The following PRKN variants were observed in gnomAD, a reference collection of about 807,000 sequenced individuals.
The protein encoded by PRKN is E3 ubiquitin-protein ligase parkin.
A neutral mutation model predicts 59.5 loss-of-function variants in PRKN; 56 were observed. The observed-to-expected ratio is 0.94, with a 90% confidence interval of 0.76 to 1.18. The LOEUF (loss-of-function observed/expected upper bound fraction) is 1.18. Ranked by LOEUF, PRKN falls within the 50% of genes most tolerant of loss-of-function variation. The pLI is 0.00. For synonymous variants in PRKN, 250 were observed against 222.1 expected, an observed-to-expected ratio of 1.13 and a Z score of -1.12; for missense variants, 657 against 596.4, an observed-to-expected ratio of 1.10 and a Z score of -1.06.
At position 161,546,663 on chromosome 6, in the gene PRKN, C is replaced by T. The variant is rs1259239117; in HGVS notation, c.1083+2191G>A. Among the ~76,000 whole-genome samples the T allele has an allele frequency of 6.6e-6, 1 of 151,498 alleles. No homozygotes were observed. Among genetic ancestry groups the T allele is most frequent in the Non-Finnish European group, 1.5e-5 (1 of 67,962 alleles). On this transcript the variant is annotated intron_variant, in intron 9 of 11. Transcript: ENST00000366898. This position sits in a 1 kb window ranked among gnomAD's most constrained non-coding sequence, Gnocchi z 4.4. ...ATACGTTCATAAATTCTTTGACACT[C>T]TTTAAGATGGAGCCCAACTCCCTTC... is the stretch of plus-strand genomic sequence containing the variant.
At chr6:161,788,183 C>G (rs2128207290) in intron 6 of PRKN, among the ~76,000 whole-genome samples, 1 of 152,246 alleles carries the variant, frequency 6.6e-6, no homozygotes, top group East Asian at 1.9e-4. Context: ...AATATGATCC[C>G]AAATGACTCA....
intron 6 of PRKN, among the ~76,000 whole-genome samples, chr6:161,900,684 T>C (rs9355957): frequency 0.56 from 62,897 of 112,380 alleles, 16,194 homozygotes; most frequent in Middle Eastern, 0.66. Flanking sequence ...ATATATAATA[T>C]ATTATATATT....
At chr6:162,031,857 A>G (rs1054584882) in intron 5 of PRKN, among the ~76,000 whole-genome samples, 1 of 152,156 alleles carries the variant, frequency 6.6e-6, no homozygotes, top group African/African-American at 2.4e-5. Flanking sequence ...GGATCGTTGC[A>G]TGTCCTGAGG....
chr6:161,661,850 C>T (rs575887100), intron 7 of PRKN, among the ~76,000 whole-genome samples: 103 of 152,138 alleles, frequency 6.8e-4, no homozygotes, highest in African/African-American at 2.4e-3. Flanking sequence ...TGGTGAAACC[C>T]CGTCTCTACT....
rs143853926 is a variant in PRKN, at chr6:161,514,899, G to C, written c.1083+33955C>G. Among the ~76,000 whole-genome samples the C allele has an allele frequency of 4.6e-3, 704 of 152,236 alleles. 7 individuals carry two copies. The highest frequency in any genetic ancestry group is 0.017 in the Middle Eastern group (5 of 294). On this transcript the variant is annotated intron_variant, in intron 9 of 11. Coordinates refer to ENST00000366898, the MANE Select transcript of PRKN (RefSeq NM_004562.3). The stretch of plus-strand genomic sequence containing the variant: ...TGGTGCCTACTACGGAGTCCTCTGG[G>C]TTCCTCTCCCCTGAAGCCAAGGGTG...
At chr6:161,752,000 A>G (rs1254269032) in intron 7 of PRKN, among the ~76,000 whole-genome samples, 3 of 152,252 alleles carry the variant, frequency 2.0e-5, no homozygotes, top group African/African-American at 7.2e-5. Flanking sequence ...CAGGGCAGGC[A>G]AGGGAAGGAG....
chr6:162,481,715 ATTT>A (rs952717004), intron 1 of PRKN, among the ~76,000 whole-genome samples: 1 of 151,646 alleles, frequency 6.6e-6, no homozygotes, highest in African/African-American at 2.4e-5. Context: ...TAACTAAAAT[ATTT>A]TTTTTTCAAA....
intron 2 of PRKN, among the ~76,000 whole-genome samples, chr6:162,433,998 T>C (rs1363006401): frequency 6.6e-6 from 1 of 152,152 alleles, no homozygotes; most frequent in Non-Finnish European, 1.5e-5. Context: ...TTAAATCTTA[T>C]CTGAGTGACA....
At chr6:162,535,131 C>A (rs186971586) in intron 1 of PRKN, among the ~76,000 whole-genome samples, 86 of 152,210 alleles carry the variant, frequency 5.7e-4, no homozygotes, top group African/African-American at 1.9e-3. Flanking sequence ...TATATCTCAC[C>A]AGAGTCCTTC....
intron 6 of PRKN, among the ~76,000 whole-genome samples, chr6:161,944,017 GATCAGCCTGAGGA>G (rs1369421467): frequency 2.4e-4 from 15 of 62,798 alleles, no homozygotes; most frequent in African/African-American, 8.5e-4. Flanking sequence ...CAGCCTGAGG[GATCAGCCTGAGGA>G]ATCAGCCTGA....
Position 161,578,600 on chromosome 6 carries a change from C to T in PRKN, c.872-9184G>A, listed in dbSNP as rs1043143475. On this transcript the variant is annotated intron_variant, in intron 7 of 11. Coordinates refer to ENST00000366898, the MANE Select transcript of PRKN (RefSeq NM_004562.3). This position sits in a 1 kb window ranked among gnomAD's most constrained non-coding sequence, Gnocchi z 4.2. Reference sequence around the variant, plus strand: ...CCACTTGAAAGATCTGCAATAAGCGCTTAAGCCCAGATCCCCAGGCTCTAT... The same window carrying T: ...CCACTTGAAAGATCTGCAATAAGCGTTTAAGCCCAGATCCCCAGGCTCTAT... Among the ~76,000 whole-genome samples, 2 of 152,166 alleles carry T rather than the reference C, an allele frequency of 1.3e-5. No homozygotes were observed. Among genetic ancestry groups the T allele is most frequent in the Non-Finnish European group, 2.9e-5 (2 of 68,032 alleles).
chr6:161,617,145 T>C (rs1782727321), intron 7 of PRKN, among the ~76,000 whole-genome samples: 1 of 152,262 alleles, frequency 6.6e-6, no homozygotes, highest in Non-Finnish European at 1.5e-5. Flanking sequence ...TTGATTTCAT[T>C]TCTCCAATGA....
chr6:161,975,992 G>A (rs532439857), intron 5 of PRKN, among the ~76,000 whole-genome samples: 4 of 152,034 alleles, frequency 2.6e-5, no homozygotes, highest in Non-Finnish European at 4.4e-5. Context: ...TGCAACCTCC[G>A]CCTCCCAGGT....
chr6:161,421,019 CAGGG>C (rs1233195785), intron 9 of PRKN, among the ~76,000 whole-genome samples: 3 of 152,080 alleles, frequency 2.0e-5, no homozygotes, highest in Non-Finnish European at 4.4e-5. Flanking sequence ...CCATTGGAGA[CAGGG>C]AGCACAAAAG....
At chr6:161,872,992 G>A (rs570947477) in intron 6 of PRKN, among the ~76,000 whole-genome samples, 3 of 144,798 alleles carry the variant, frequency 2.1e-5, no homozygotes, top group Admixed American at 1.4e-4. Context: ...ACCTAGATGC[G>A]AGCTAGTGTG....
Position 161,874,096 on chromosome 6 carries a change from AT to A in PRKN, c.735-88189del, listed in dbSNP as rs1562353780. Among the ~76,000 whole-genome samples the A allele has an allele frequency of 5.6e-4, 34 of 60,854 alleles. 7 individuals carry two copies. The highest frequency in any genetic ancestry group is 2.5e-3 in the African/African-American group (34 of 13,372). 39.9% of individuals were successfully genotyped at this position (60,854 alleles called of 152,430 possible). ...TATTATATGTAAAATATAATATATA[AT>A]ATATATTATATGTAAAATATAATAT... On this transcript the variant is annotated intron_variant, in intron 6 of 11. Transcript: ENST00000366898.
rs1250446981 is a variant in PRKN, at chr6:161,656,526, A to AC, written c.872-87111dup. Among the ~76,000 whole-genome samples the AC allele has an allele frequency of 2.0e-5, 3 of 152,218 alleles. No individual in the cohort carries two copies. The East Asian group carries it at 5.8e-4, about 29-fold the overall frequency. ...TGGAGTTGGGAGGAGGCCTGCAGAGACCTTCCAGGGACTCTGAGATGCCGT... is the reference window on the plus strand; with the variant it reads ...TGGAGTTGGGAGGAGGCCTGCAGAGACCCTTCCAGGGACTCTGAGATGCCGT... On this transcript the variant is annotated intron_variant, in intron 7 of 11. Coordinates refer to ENST00000366898, the MANE Select transcript of PRKN (RefSeq NM_004562.3).
At chr6:162,001,260 T>C (rs957207960) in intron 5 of PRKN, among the ~76,000 whole-genome samples, 1 of 152,086 alleles carries the variant, frequency 6.6e-6, no homozygotes, top group African/African-American at 2.4e-5. Context: ...CAATATTGAG[T>C]CCTCCTATCC....
intron 9 of PRKN, among the ~76,000 whole-genome samples, chr6:161,493,949 G>A (rs1042033517): frequency 2.0e-5 from 3 of 152,166 alleles, no homozygotes; most frequent in South Asian, 4.1e-4. Flanking sequence ...GACAAGAGCC[G>A]GGAAGGCAGG....
Sources: gnomAD v4.1 joint callset for allele counts (sites outside exome capture counted in the v4.1 genomes callset) on GRCh38, gnomAD v4.1.1 for gene constraint, Gnocchi (gnomAD v3.1) non-coding constraint, MANE v1.5 for transcripts, NCBI Gene and HGNC (gene_info 2026-07-23, HGNC 2026-07-21) for gene names.